SLPI: variants seen among roughly 807,000 people sequenced by gnomAD.
The protein encoded by SLPI is secretory leukocyte peptidase inhibitor.
Under a neutral mutation model 14.3 loss-of-function variants are expected in SLPI, and 20 were observed. That is an observed-to-expected ratio of 1.40 (90% CI 0.99 to 2.04). The LOEUF (loss-of-function observed/expected upper bound fraction) is 2.04. Among genes scored for constraint, SLPI ranks in the 30% most tolerant of loss-of-function variants. SLPI has a pLI of 0.00. For synonymous variants in SLPI, 68 were observed against 54.8 expected (o/e 1.24, Z -1.07); for missense variants, 169 against 159.4 (o/e 1.06, Z -0.32).
At chr20:45,254,198 TGAGAGAGAGAGAGAGA>T (rs144801825) in intron 1 of SLPI, among the ~76,000 whole-genome samples, 6 of 135,342 alleles carry the variant, frequency 4.4e-5, no homozygotes, top group Admixed American at 1.5e-4. Flanking sequence ...AGGCGGAGTA[TGAGAGAGAGAGAGAGA>T]GAGAGAGAGA....
intron 2 of SLPI, 92 bp from the exon 3 acceptor site, chr20:45,253,243 C>G: frequency 6.9e-7 from 1 of 1,447,660 alleles, no homozygotes; most frequent in Non-Finnish European, 9.4e-7. Flanking sequence ...GCTCCAGCTT[C>G]AGCAGGGGGG....
At chr20:45,252,880 G>T in intron 3 of SLPI, 122 bp downstream of exon 3, 2 of 1,040,390 alleles carry the variant, frequency 1.9e-6, no homozygotes, top group Non-Finnish European at 2.8e-6. Flanking sequence ...GGACAAGGGA[G>T]TCAGACAGAG....
chr20:45,253,172 C>G (rs193135439), intron 2 of SLPI, 21 bp from the exon 3 acceptor site: 1 of 1,611,328 alleles, frequency 6.2e-7, no homozygotes, highest in African/African-American at 1.3e-5. Flanking sequence ...GTGAGGCTAC[C>G]GGTCAGAGGC....
chr20:45,252,998 T>A lies in SLPI; in HGVS notation c.394+4A>T, dbSNP rs1461623375. On this transcript the variant is annotated splice_donor_region_variant and intron_variant, in intron 3 of 3. Transcript: ENST00000338380. ...AGCTCAGTGTGCCCTCATCCCCTGCTTACCTTTCACAGGGGAAACGCAGGA... is the reference window on the plus strand; with the variant it reads ...AGCTCAGTGTGCCCTCATCCCCTGCATACCTTTCACAGGGGAAACGCAGGA... The A allele has an allele frequency of 2.5e-6, 4 of 1,613,634 alleles. No individual in the cohort carries two copies. The South Asian group carries it at 4.4e-5, about 18-fold the overall frequency.
intron 3 of SLPI, 28 bp downstream of exon 3, chr20:45,252,974 G>T: frequency 6.2e-7 from 1 of 1,608,778 alleles, no homozygotes; most frequent in African/African-American, 1.3e-5. Flanking sequence ...GCTGGAGGGA[G>T]CTCAGTGTGC....
chr20:45,253,512 C>T, intron 2 of SLPI, 63 bp downstream of exon 2: 3 of 1,500,764 alleles, frequency 2.0e-6, no homozygotes, highest in Non-Finnish European at 2.7e-6. Context: ...TCACCCAGTT[C>T]CATCCCTCTA....
chr20:45,253,574 C>T lies in SLPI; in HGVS notation c.244+1G>A, dbSNP rs111623361. ...TCTACCCAGTTCCCCGACCTGCTTA[C>T]TTGGGTTTGGGGTGTCAACAGGATC... On this transcript the variant is annotated splice_donor_variant, in intron 2 of 3. Coordinates refer to ENST00000338380, the MANE Select transcript of SLPI (RefSeq NM_003064.4). LOFTEE classifies it high-confidence loss of function. 35 of 1,613,116 alleles carry T rather than the reference C, an allele frequency of 2.2e-5. No individual in the cohort carries two copies. Among genetic ancestry groups the T allele is most frequent in the Non-Finnish European group, 3.0e-5 (35 of 1,179,540 alleles).
At chr20:45,253,541 C>T in intron 2 of SLPI, 34 bp downstream of exon 2, 4 of 1,599,498 alleles carry the variant, frequency 2.5e-6, no homozygotes, top group Non-Finnish European at 3.4e-6. Context: ...TCCCCAGGCT[C>T]ACTCCTCTCT....
intron 1 of SLPI, 99 bp from the exon 2 acceptor site, chr20:45,253,832 A>T (rs1984739192): frequency 9.3e-7 from 1 of 1,077,146 alleles, no homozygotes; most frequent in Non-Finnish European, 1.4e-6. Flanking sequence ...AGAGACCCTT[A>T]CCTCAGTAGC....
chr20:45,253,797 G>T, intron 1 of SLPI, 64 bp from the exon 2 acceptor site: 2 of 1,484,582 alleles, frequency 1.3e-6, no homozygotes, highest in South Asian at 1.2e-5. Context: ...CATGCCTCCT[G>T]AACAAAGCAC....
rs1409202829 is a variant in SLPI at position 45,253,129 on chromosome 20, G to A, written c.267C>T (p.Cys89=). Residue 89 remains cysteine (C), a synonymous_variant, in exon 3 of 4, where the codon TGC becomes TGT. Coordinates refer to ENST00000338380, the MANE Select transcript of SLPI (RefSeq NM_003064.4). ...PNPTRRKPGK[C]PVTYGQCLML... ...TCAAACATTGGCCATAAGTCACTGGGCACTTCCCAGGCTTCCTCCTTGCTG... is the reference window on the plus strand; with the variant it reads ...TCAAACATTGGCCATAAGTCACTGGACACTTCCCAGGCTTCCTCCTTGCTG... The A allele has an allele frequency of 1.9e-6, 3 of 1,614,068 alleles. No homozygotes were observed. The East Asian group carries it at 6.7e-5, about 36-fold the overall frequency.
rs1009533349 is a variant in SLPI at position 45,252,297 on chromosome 20, C to G, written c.*118G>C. 3.6e-5 allele frequency: 32 copies of G among 890,608 alleles called. No homozygotes were observed. Among genetic ancestry groups the G allele is most frequent in the Non-Finnish European group, 5.4e-5 (31 of 578,610 alleles). 55.2% of individuals were successfully genotyped at this position (890,608 alleles called of 1,614,324 possible). ...TGATCAACTGGCACTTCTTGAAAGC[C>G]TGCTGTGTGCCAAGCCTTTCCCCAA... On this transcript the variant is annotated 3_prime_UTR_variant, in exon 4 of 4. Coordinates refer to ENST00000338380, the MANE Select transcript of SLPI (RefSeq NM_003064.4).
rs539239852 is a variant in SLPI at position 45,253,088 on chromosome 20, T to C, written c.308A>G (p.Asn103Ser). The C allele has an allele frequency of 5.0e-6, 8 of 1,614,088 alleles. No homozygotes were observed. Among genetic ancestry groups the C allele is most frequent in the South Asian group, 3.3e-5 (3 of 91,082 alleles). ...YGQCLMLNPPNFCEMDGQCKR... is the reference protein window; with the variant it reads ...YGQCLMLNPPSFCEMDGQCKR... ...GCACTGGCCATCCATCTCACAGAAA[T>C]TGGGGGGGTTAAGCATCAAACATTG... The change falls in exon 3 of 4, where the codon AAT becomes AGT. Residue 103 changes from asparagine (N) to serine (S), a missense_variant. Transcript: ENST00000338380.
chr20:45,253,867 G>A, intron 1 of SLPI, 134 bp from the exon 2 acceptor site: 1 of 718,018 alleles, frequency 1.4e-6, no homozygotes. Context: ...AAAGGGTCAT[G>A]CCTGCCTGAT....
Position 45,253,705 on chromosome 20 carries a change from C to T in SLPI, c.114G>A (p.Lys38=). The change falls in exon 2 of 4, where the codon AAG becomes AAA. Residue 38 remains lysine (K), a synonymous_variant. Transcript: ENST00000338380. ...KSFKAGVCPP[K]KSAQCLRYKK... ...TGTATCTAAGGCACTGGGCAGATTTCTTAGGAGGACAGACTCCAGCTTTGA... is the reference window on the plus strand; with the variant it reads ...TGTATCTAAGGCACTGGGCAGATTTTTTAGGAGGACAGACTCCAGCTTTGA... 1 of 1,614,154 alleles carries T rather than the reference C, an allele frequency of 6.2e-7. No individual in the cohort carries two copies. Among genetic ancestry groups the T allele is most frequent in the Non-Finnish European group, 8.5e-7 (1 of 1,180,004 alleles).
At position 45,252,328 on chromosome 20, in the gene SLPI, G is replaced by T. The variant is rs756929309; in HGVS notation, c.*87C>A. The T allele has an allele frequency of 9.1e-6, 12 of 1,320,784 alleles. No individual in the cohort carries two copies. The highest frequency in any genetic ancestry group is 1.2e-5 in the Non-Finnish European group (11 of 931,480). 81.8% of individuals were successfully genotyped at this position (1,320,784 alleles called of 1,614,324 possible). A position where few individuals can be genotyped will look rare whatever the true frequency, so the allele number is the denominator to read the frequency against. ...TGTGCCAAGCCTTTCCCCAAAGGAG[G>T]ATATCAGTGGTGGAGCCAAGTCTCA... On this transcript the variant is annotated 3_prime_UTR_variant, in exon 4 of 4. Coordinates refer to ENST00000338380, the MANE Select transcript of SLPI (RefSeq NM_003064.4).
chr20:45,253,210 C>G (rs1280027020), intron 2 of SLPI, 59 bp from the exon 3 acceptor site: 23 of 1,569,934 alleles, frequency 1.5e-5, no homozygotes, highest in Non-Finnish European at 1.6e-5. Flanking sequence ...CCCTCCCATC[C>G]CCACTTTTTA....
At position 45,252,452 on chromosome 20, in the gene SLPI, T is replaced by C. The variant is rs142807347; in HGVS notation, c.395-33A>G. On this transcript the variant is annotated intron_variant, in intron 3 of 3. Transcript: ENST00000338380. Reference sequence around the variant, plus strand: ...AGAAAATCAGATAAGAGCTTCAGCATAGAAACCAGCCAAATCATATCCACA... The same window carrying C: ...AGAAAATCAGATAAGAGCTTCAGCACAGAAACCAGCCAAATCATATCCACA... 2.2e-5 allele frequency: 35 copies of C among 1,613,116 alleles called. No individual in the cohort carries two copies. The African/African-American group carries it at 4.4e-4, about 20-fold the overall frequency.
In SLPI at chr20:45,253,150, T is replaced by C. The variant is rs1984713386; in HGVS notation, c.246A>G (p.Thr82=). 1.9e-6 allele frequency: 3 copies of C among 1,613,786 alleles called. No homozygotes were observed. Among genetic ancestry groups the C allele is most frequent in the African/African-American group, 1.3e-5 (1 of 75,046 alleles). The change falls in exon 3 of 4, where the codon ACA becomes ACG. Residue 82 remains threonine (T), a splice_region_variant and synonymous_variant. Coordinates refer to ENST00000338380, the MANE Select transcript of SLPI (RefSeq NM_003064.4). ...CLDPVDTPNP[T]RRKPGKCPVT... is the part of the protein sequence containing the mutation. ...CTGGGCACTTCCCAGGCTTCCTCCT[T>C]GCTGGGTGAGAGTGAGGCTACCGGT...
Sources: gnomAD v4.1 joint callset for allele counts (sites outside exome capture counted in the v4.1 genomes callset) on GRCh38, gnomAD v4.1.1 for gene constraint, MANE v1.5 for transcripts, NCBI Gene and HGNC (gene_info 2026-07-23, HGNC 2026-07-21) for gene names.